OPCML: variants seen among roughly 807,000 people sequenced by gnomAD.
OPCML encodes opioid-binding protein/cell adhesion molecule.
In OPCML, 13 loss-of-function variants were observed where a neutral mutation model predicts 37.8. The observed-to-expected ratio is 0.34, with a 90% CI of 0.22 to 0.55. The LOEUF (loss-of-function observed/expected upper bound fraction) is 0.55. OPCML is among the 20% of genes least tolerant of loss of function. The pLI is 0.91. For synonymous variants in OPCML, 176 were observed against 168.8 expected, an observed-to-expected ratio of 1.04 and a Z score of -0.33; for missense variants, 341 against 435.6, an observed-to-expected ratio of 0.78 and a Z score of 1.93.
intron 1 of OPCML, among the ~76,000 whole-genome samples, chr11:133,231,388 A>G (rs569937219): frequency 2.2e-4 from 33 of 152,264 alleles, no homozygotes; most frequent in African/African-American, 7.9e-4. Context: ...CTGACTTTCA[A>G]TTCAAAAAGA....
intron 1 of OPCML, among the ~76,000 whole-genome samples, chr11:133,165,600 C>T (rs1321650119): frequency 1.3e-5 from 2 of 152,080 alleles, no homozygotes; most frequent in African/African-American, 2.4e-5. Context: ...AAATTTCCTC[C>T]AAGTTCTTAT....
At chr11:132,502,975 G>T (rs2508980) in intron 4 of OPCML, among the ~76,000 whole-genome samples, 36,900 of 152,066 alleles carry the variant, frequency 0.24, 5,227 homozygotes, top group East Asian at 0.62. Flanking sequence ...GAGTTCAGGG[G>T]TGACTGATGG....
At chr11:133,458,929 A>T (rs1031160537) in intron 1 of OPCML, among the ~76,000 whole-genome samples, 2 of 151,502 alleles carry the variant, frequency 1.3e-5, no homozygotes, top group African/African-American at 4.9e-5. Flanking sequence ...AAAGTTCTCC[A>T]GTAAACATAA....
At chr11:132,738,064 T>C (rs1391167360) in intron 2 of OPCML, among the ~76,000 whole-genome samples, 2 of 152,138 alleles carry the variant, frequency 1.3e-5, no homozygotes, top group African/African-American at 2.4e-5. Flanking sequence ...ATAGCTCTGC[T>C]CTGGACAAAG....
At chr11:133,371,116 A>G (rs1033617739) in intron 1 of OPCML, among the ~76,000 whole-genome samples, 2 of 152,204 alleles carry the variant, frequency 1.3e-5, no homozygotes, top group African/African-American at 4.8e-5. Flanking sequence ...CCACAATAAG[A>G]TATTACCATT....
At chr11:133,313,666 G>A (rs1943118981) in intron 1 of OPCML, among the ~76,000 whole-genome samples, 1 of 152,104 alleles carries the variant, frequency 6.6e-6, no homozygotes, top group African/African-American at 2.4e-5. Flanking sequence ...AAGAGGCCAG[G>A]AGCCAGGGAA....
intron 2 of OPCML, among the ~76,000 whole-genome samples, chr11:132,830,450 A>T (rs1335221384): frequency 2.0e-5 from 3 of 152,210 alleles, no homozygotes; most frequent in Admixed American, 6.5e-5. Flanking sequence ...TGATTTGATT[A>T]ACCAGCTCAC....
intron 2 of OPCML, among the ~76,000 whole-genome samples, chr11:132,932,105 A>G (rs1470366763): frequency 6.6e-6 from 1 of 152,208 alleles, no homozygotes; most frequent in African/African-American, 2.4e-5. Flanking sequence ...GTAGTACAAT[A>G]GAATAGTAAT....
intron 1 of OPCML, among the ~76,000 whole-genome samples, chr11:133,053,070 C>G (rs1006708400): frequency 6.6e-6 from 1 of 152,208 alleles, no homozygotes; most frequent in African/African-American, 2.4e-5. Flanking sequence ...TTTCAGCTGG[C>G]CTTTGAACAG....
chr11:132,872,499 A>G lies in OPCML; in HGVS notation c.146+70427T>C, dbSNP rs1942844088. Reference sequence around the variant, plus strand: ...CCCACCTCCACAAGTGAGCAACTCCAGGCCTGGCCCAGTCTGCATATCTGG... The same window carrying G: ...CCCACCTCCACAAGTGAGCAACTCCGGGCCTGGCCCAGTCTGCATATCTGG... On this transcript the variant is annotated intron_variant, in intron 2 of 7. Transcript: ENST00000524381. Among the ~76,000 whole-genome samples, 3 of 152,230 alleles carry G rather than the reference A, an allele frequency of 2.0e-5. No individual in the cohort carries two copies. The South Asian group carries it at 6.2e-4, about 32-fold the overall frequency.
rs1248056488 is a variant in OPCML, at chr11:133,182,849, T to A, written c.62-239839A>T. Among the ~76,000 whole-genome samples the A allele has an allele frequency of 2.6e-5, 4 of 152,150 alleles. No individual in the cohort carries two copies. The East Asian group carries it at 7.7e-4, about 29-fold the overall frequency. On this transcript the variant is annotated intron_variant, in intron 1 of 7. Coordinates refer to ENST00000524381, the MANE Select transcript of OPCML (RefSeq NM_001012393.5). ...ATATGATGGCTGCTGAGAACCGTCA[T>A]AGATGCCTGTTCTCTCAAAGAACAA...
At chr11:132,972,807 G>A (rs991924641) in intron 1 of OPCML, among the ~76,000 whole-genome samples, 3 of 152,160 alleles carry the variant, frequency 2.0e-5, no homozygotes, top group African/African-American at 4.8e-5. Context: ...ATGGGAAACC[G>A]CAGCCCCCTG....
At chr11:133,386,993 T>C (rs3923727) in intron 1 of OPCML, among the ~76,000 whole-genome samples, 23,610 of 152,190 alleles carry the variant, frequency 0.16, 2,513 homozygotes, top group African/African-American at 0.29. Context: ...CTAAGGACGA[T>C]GACAGCACAT....
intron 1 of OPCML, among the ~76,000 whole-genome samples, chr11:132,987,465 T>C (rs1946701377): frequency 6.6e-6 from 1 of 152,094 alleles, no homozygotes; most frequent in Non-Finnish European, 1.5e-5. Context: ...GAAATAAGGA[T>C]GCAGAGGTAA....
At chr11:132,441,158 C>CTTTTTTGTTTTTTT (rs2096031628) in intron 4 of OPCML, among the ~76,000 whole-genome samples, 3 of 108,056 alleles carry the variant, frequency 2.8e-5, no homozygotes, top group East Asian at 2.5e-4. Context: ...TCACCAAGGA[C>CTTTTTTGTTTTTTT]TTTTTTGTTT....
chr11:132,479,852 G>C (rs541866597), intron 4 of OPCML, among the ~76,000 whole-genome samples: 1 of 152,036 alleles, frequency 6.6e-6, no homozygotes, highest in African/African-American at 2.4e-5. Context: ...AAGGACATCC[G>C]CACAAAAAAC....
At chr11:133,099,408 GCT>G (rs921499645) in intron 1 of OPCML, among the ~76,000 whole-genome samples, 44 of 150,074 alleles carry the variant, frequency 2.9e-4, no homozygotes, top group African/African-American at 1.0e-3. Context: ...GACTACAGGT[GCT>G]CACCACCACA....
chr11:132,781,958 T>G (rs868334318), intron 2 of OPCML, among the ~76,000 whole-genome samples: 2 of 82,652 alleles, frequency 2.4e-5, no homozygotes, highest in East Asian at 5.0e-4. Flanking sequence ...ATATATATTT[T>G]TTTTTTTTTT....
chr11:132,501,141 A>G (rs996148449), intron 4 of OPCML, among the ~76,000 whole-genome samples: 2 of 152,218 alleles, frequency 1.3e-5, no homozygotes, highest in African/African-American at 4.8e-5. Flanking sequence ...CTGTCTTCCT[A>G]TTTAACAAAT....
Sources: allele counts gnomAD v4.1 joint callset (sites outside exome capture counted in the v4.1 genomes callset), GRCh38; gene constraint gnomAD v4.1.1; transcripts MANE v1.5; gene names NCBI Gene and HGNC (gene_info 2026-07-23, HGNC 2026-07-21).